Variants in ARFGAP3 observed in about 807,000 individuals in gnomAD.
The protein encoded by ARFGAP3 is ADP-ribosylation factor GTPase-activating protein 3.
A neutral mutation model predicts 75.0 loss-of-function variants in ARFGAP3; 72 were observed. The ratio of observed to expected loss-of-function variants is 0.96; its 90% confidence interval spans 0.79 to 1.17. The LOEUF is 1.17. ARFGAP3 is among the 50% of genes most tolerant of loss of function. ARFGAP3 has a pLI of 0.00. For synonymous variants in ARFGAP3, 221 were observed against 217.9 expected, an observed-to-expected ratio of 1.01 and a Z score of -0.13; for missense variants, 620 against 626.6, an observed-to-expected ratio of 0.99 and a Z score of 0.11.
chr22:42,842,974 C>G (rs569567403), intron 2 of ARFGAP3, among the ~76,000 whole-genome samples: 4 of 152,028 alleles, frequency 2.6e-5, no homozygotes, highest in African/African-American at 9.7e-5. Context: ...ACACCCTGTA[C>G]GGCAGGTCCT....
At position 42,857,270 on chromosome 22, in the gene ARFGAP3, C is replaced by T. The variant is rs949923098; in HGVS notation, c.-88G>A. 19 of 1,462,354 alleles carry T rather than the reference C, an allele frequency of 1.3e-5. No individual in the cohort carries two copies. The African/African-American group carries it at 2.2e-4, about 17-fold the overall frequency. 90.6% of individuals were successfully genotyped at this position (1,462,354 alleles called of 1,614,324 possible). A position where few individuals can be genotyped will look rare whatever the true frequency, so the allele number is the denominator to read the frequency against. ...TACCGCCTCAGCAGGAGCGACGAGG[C>T]CGCGGGGGCGGGGCTGCGCGTAACG... On this transcript the variant is annotated 5_prime_UTR_variant, in exon 1 of 16. Coordinates refer to ENST00000263245, the MANE Select transcript of ARFGAP3 (RefSeq NM_014570.5).
intron 1 of ARFGAP3, among the ~76,000 whole-genome samples, chr22:42,848,016 CACTAT>C (rs1927099792): frequency 1.3e-5 from 2 of 151,172 alleles, no homozygotes; most frequent in Non-Finnish European, 2.9e-5. Flanking sequence ...AGGCTCACAC[CACTAT>C]ACCCAACTAA....
intron 3 of ARFGAP3, among the ~76,000 whole-genome samples, chr22:42,837,278 A>G (rs1926559206): frequency 6.6e-6 from 1 of 152,316 alleles, no homozygotes; most frequent in South Asian, 2.1e-4. Context: ...CCTGGGAACC[A>G]AAGTGAGACC....
chr22:42,840,257 A>G (rs1460660338), intron 3 of ARFGAP3, among the ~76,000 whole-genome samples: 2 of 151,756 alleles, frequency 1.3e-5, no homozygotes, highest in African/African-American at 4.8e-5. Context: ...CTTGTCTGTC[A>G]CTATATCCCC....
intron 3 of ARFGAP3, among the ~76,000 whole-genome samples, chr22:42,835,935 T>C (rs1487625763): frequency 2.0e-5 from 3 of 151,922 alleles, no homozygotes; most frequent in Admixed American, 6.6e-5. Context: ...GGGGAAAAGC[T>C]TTCTACTCAG....
chr22:42,822,222 A>G, intron 9 of ARFGAP3, 48 bp downstream of exon 9: 1 of 1,506,106 alleles, frequency 6.6e-7, no homozygotes, highest in Non-Finnish European at 9.1e-7. Context: ...TCTTGAGTTA[A>G]TAGTTTTATT....
At chr22:42,848,474 C>T (rs1927124586) in intron 1 of ARFGAP3, among the ~76,000 whole-genome samples, 1 of 152,156 alleles carries the variant, frequency 6.6e-6, no homozygotes, top group Non-Finnish European at 1.5e-5. Context: ...TCCCAAAGTG[C>T]TGGGATTACA....
intron 2 of ARFGAP3, chr22:42,847,169 CTT>C (rs11374149): frequency 1.9e-3 from 318 of 163,954 alleles, no homozygotes; most frequent in South Asian, 6.3e-3. Flanking sequence ...TTCTTTCTTT[CTT>C]TTTTTTTTTT....
intron 14 of ARFGAP3, among the ~76,000 whole-genome samples, chr22:42,801,578 A>G (rs1430623155): frequency 1.3e-5 from 2 of 152,224 alleles, no homozygotes; most frequent in African/African-American, 4.8e-5. Context: ...TGGAGGCGGA[A>G]CACATCGCCC....
intron 14 of ARFGAP3, among the ~76,000 whole-genome samples, chr22:42,803,792 C>A (rs1247738295): frequency 5.3e-5 from 8 of 152,280 alleles, no homozygotes; most frequent in African/African-American, 1.9e-4. Context: ...GCTAGAAACA[C>A]CCCCAGAAAG....
intron 14 of ARFGAP3, among the ~76,000 whole-genome samples, chr22:42,805,078 C>T (rs958996210): frequency 1.3e-5 from 2 of 152,068 alleles, no homozygotes; most frequent in East Asian, 1.9e-4. Flanking sequence ...CCAGCCTGGG[C>T]AACACAGTTA....
At chr22:42,820,838 A>G (rs1925781537) in intron 9 of ARFGAP3, among the ~76,000 whole-genome samples, 1 of 152,142 alleles carries the variant, frequency 6.6e-6, no homozygotes, top group Non-Finnish European at 1.5e-5. Flanking sequence ...GAGCCTTACA[A>G]AAGTCTACGG....
Position 42,831,622 on chromosome 22 carries a change from C to T in ARFGAP3, c.492G>A (p.Ala164=), listed in dbSNP as rs749367942. 5.6e-6 allele frequency: 9 copies of T among 1,613,904 alleles called. No homozygotes were observed. The highest frequency in any genetic ancestry group is 3.3e-5 in the Admixed American group (2 of 59,984). ...ATGGTTCTGCTATTGCTGATGCCCA[C>T]GCTGTGTCACTCACCTGAAACAAGG... The part of the protein sequence containing the change: ...SHVSPEVSDT[A]WASAIAEPSS... The change falls in exon 6 of 16, where the codon GCG becomes GCA. Residue 164 remains alanine (A), a synonymous_variant. Transcript: ENST00000263245.
At chr22:42,849,657 G>C (rs1276084175) in intron 1 of ARFGAP3, among the ~76,000 whole-genome samples, 1 of 150,200 alleles carries the variant, frequency 6.7e-6, no homozygotes, top group Non-Finnish European at 1.5e-5. Context: ...TCGAACTCTT[G>C]AGCTCGAGCC....
intron 12 of ARFGAP3, among the ~76,000 whole-genome samples, chr22:42,809,314 G>A (rs1463540566): frequency 6.6e-6 from 1 of 152,088 alleles, no homozygotes; most frequent in Non-Finnish European, 1.5e-5. Context: ...TCCTCTGGTT[G>A]GAAAATAAAT....
chr22:42,808,468 C>T (rs1352126362), intron 13 of ARFGAP3, among the ~76,000 whole-genome samples: 1 of 151,928 alleles, frequency 6.6e-6, no homozygotes, highest in African/African-American at 2.4e-5. Context: ...TAAATTACAG[C>T]TGCACCAACA....
intron 5 of ARFGAP3, 52 bp downstream of exon 5, chr22:42,834,190 G>T: frequency 1.3e-6 from 2 of 1,530,322 alleles, no homozygotes; most frequent in South Asian, 1.2e-5. Context: ...TGCACCTTTT[G>T]TTAACTGTCA....
At chr22:42,847,844 TAG>T in intron 1 of ARFGAP3, 1 of 182,830 alleles carries the variant, frequency 5.5e-6, no homozygotes, top group Non-Finnish European at 1.0e-5. Context: ...AATTATAAAT[TAG>T]TATAGTTAAT....
chr22:42,821,229 T>A (rs1602105823), intron 9 of ARFGAP3, among the ~76,000 whole-genome samples: 1 of 152,238 alleles, frequency 6.6e-6, no homozygotes, highest in Admixed American at 6.5e-5. Context: ...TTTTTCATTA[T>A]GCAGATATAA....
Sources: gnomAD v4.1 joint callset for allele counts (sites outside exome capture counted in the v4.1 genomes callset) on GRCh38, gnomAD v4.1.1 for gene constraint, MANE v1.5 for transcripts, NCBI Gene and HGNC (gene_info 2026-07-23, HGNC 2026-07-21) for gene names.